ADAP1: variants seen among roughly 807,000 people sequenced by gnomAD.
ADAP1 encodes ArfGAP with dual PH domains 1, also known as arf-GAP with dual PH domain-containing protein 1.
Under a neutral mutation model 54.9 loss-of-function variants are expected in ADAP1, and 31 were observed. The ratio of observed to expected loss-of-function variants is 0.56; its 90% CI spans 0.42 to 0.76. The LOEUF is 0.76. Ranked by LOEUF, ADAP1 falls within the 30% of genes least tolerant of loss-of-function variation. The pLI is 0.00. For missense variants in ADAP1, 535 were observed against 512.4 expected, an observed-to-expected ratio of 1.04 and a Z score of -0.42; for synonymous variants, 313 against 202.6, an observed-to-expected ratio of 1.55 and a Z score of -4.63.
intron 3 of ADAP1, among the ~76,000 whole-genome samples, chr7:923,961 G>C (rs1018403048): frequency 6.6e-6 from 1 of 151,914 alleles, no homozygotes; most frequent in Admixed American, 6.6e-5. Flanking sequence ...CTGGACGTTT[G>C]GGCCCCACGA....
chr7:950,319 A>G (rs986129050), intron 1 of ADAP1, among the ~76,000 whole-genome samples: 33 of 151,966 alleles, frequency 2.2e-4, no homozygotes, highest in Non-Finnish European at 4.0e-4. Context: ...CCCCATCTCT[A>G]CTAAAAATAC....
chr7:907,411 C>T (rs147704154), intron 4 of ADAP1, among the ~76,000 whole-genome samples: 2 of 152,210 alleles, frequency 1.3e-5, no homozygotes, highest in Admixed American at 6.5e-5. Flanking sequence ...CCAGAGGACC[C>T]GTCCTGAGCC....
intron 4 of ADAP1, among the ~76,000 whole-genome samples, chr7:919,419 C>G (rs931743590): frequency 6.6e-6 from 1 of 152,008 alleles, no homozygotes; most frequent in Non-Finnish European, 1.5e-5. Flanking sequence ...TGTGGCGACC[C>G]CAAGCCCTCA....
rs928767514 is a variant in ADAP1, at chr7:935,564, G to T, written c.83-59C>A. On this transcript the variant is annotated intron_variant, in intron 1 of 10. Coordinates refer to ENST00000265846, the MANE Select transcript of ADAP1 (RefSeq NM_006869.4). ...AGCCCAGGGACCCCGGAGGGAGGGT[G>T]GACGGAGCCTCGAGTCAGGAGCCCC... is the stretch of plus-strand genomic sequence containing the variant. 3 of 1,541,262 alleles carry T rather than the reference G, an allele frequency of 1.9e-6. No homozygotes were observed. The African/African-American group carries it at 4.1e-5, about 21-fold the overall frequency.
intron 4 of ADAP1, among the ~76,000 whole-genome samples, chr7:907,489 G>A (rs537953824): frequency 6.0e-4 from 91 of 152,260 alleles, no homozygotes; most frequent in African/African-American, 2.1e-3. Context: ...CCAGAGCTGT[G>A]GGAGAACAAA....
At chr7:921,108 C>T (rs1846177708) in intron 3 of ADAP1, among the ~76,000 whole-genome samples, 3 of 152,198 alleles carry the variant, frequency 2.0e-5, no homozygotes, top group East Asian at 3.9e-4. Context: ...ATCTCGGTCA[C>T]GGAGGCCAAA....
At position 946,725 on chromosome 7, in the gene ADAP1, C is replaced by G. The variant is rs1038728877; in HGVS notation, c.82+7671G>C. 6.6e-6 allele frequency among the ~76,000 whole-genome samples: 1 copy of G among 152,280 alleles called. No homozygotes were observed. ...CTTCAGGGCCCTCGCACAGGGCCGA[C>G]TCCTCTGCGGCCCATCTGGTCTCTC... On this transcript the variant is annotated intron_variant, in intron 1 of 10. Coordinates refer to ENST00000265846, the MANE Select transcript of ADAP1 (RefSeq NM_006869.4). The surrounding 1 kb of genome is among the most constrained non-coding windows in gnomAD (Gnocchi z 4.3).
intron 6 of ADAP1, among the ~76,000 whole-genome samples, chr7:902,534 T>G (rs532736271): frequency 3.9e-4 from 58 of 149,268 alleles, no homozygotes; most frequent in Non-Finnish European, 7.1e-4. Flanking sequence ...AAAAACTAAA[T>G]GCATGACAGC....
intron 2 of ADAP1, among the ~76,000 whole-genome samples, chr7:928,196 G>T (rs1846451748): frequency 6.6e-6 from 1 of 150,848 alleles, no homozygotes; most frequent in Non-Finnish European, 1.5e-5. Context: ...CTCCAGCCTG[G>T]GCGGCAGAAC....
intron 1 of ADAP1, among the ~76,000 whole-genome samples, chr7:951,815 G>A (rs1017624755): frequency 2.0e-5 from 3 of 152,184 alleles, no homozygotes; most frequent in African/African-American, 7.2e-5. Context: ...CAATATGTGT[G>A]TTTTTCTTTT....
At chr7:906,806 G>GGGGGGACATGGGTGACATGGGTGACAT (rs138744439) in intron 4 of ADAP1, among the ~76,000 whole-genome samples, 1 of 44,468 alleles carries the variant, frequency 2.2e-5, no homozygotes, top group Admixed American at 2.4e-4. Flanking sequence ...CAGGGGACAT[G>GGGGGGACATGGGTGACATGGGTGACAT]GGGGGACATG....
intron 7 of ADAP1, 52 bp from the exon 8 acceptor site, chr7:900,216 G>A (rs1336513139): frequency 1.9e-6 from 3 of 1,605,940 alleles, no homozygotes; most frequent in Admixed American, 3.3e-5. Flanking sequence ...CTCAGGCCGA[G>A]CCCCTCCCTG....
intron 1 of ADAP1, among the ~76,000 whole-genome samples, chr7:949,267 C>T (rs903105339): frequency 5.3e-5 from 8 of 152,252 alleles, no homozygotes; most frequent in Admixed American, 4.6e-4. Context: ...CACATGAGCA[C>T]ATACCTCCTG....
Position 899,465 on chromosome 7 carries a change from C to T in ADAP1, c.821G>A (p.Trp274Ter). Residue 274 changes from tryptophan to a stop codon, truncating the protein, a stop_gained, in exon 9 of 11, where the codon TGG becomes TAG. Coordinates refer to ENST00000265846, the MANE Select transcript of ADAP1 (RefSeq NM_006869.4). LOFTEE classifies it high-confidence loss of function. Reference sequence around the variant, plus strand: ...GAGCCTGCGGTCATCCATGGTGAACCAGCGCTTCCGGAAGCCTTCCGTTTG... The same window carrying T: ...GAGCCTGCGGTCATCCATGGTGAACTAGCGCTTCCGGAAGCCTTCCGTTTG... ...PKQTEGFRKR[W>*]FTMDDRRLMY... 6.2e-7 allele frequency: 1 copy of T among 1,613,162 alleles called. No homozygotes were observed. The highest frequency in any genetic ancestry group is 8.5e-7 in the Non-Finnish European group (1 of 1,179,912).
chr7:937,380 G>T (rs1846803321), intron 1 of ADAP1, among the ~76,000 whole-genome samples: 2 of 45,630 alleles, frequency 4.4e-5, no homozygotes, highest in African/African-American at 9.2e-5. Flanking sequence ...TCTGGGATTT[G>T]GGGGTCACGC....
chr7:904,345 C>T, intron 5 of ADAP1, 73 bp from the exon 6 acceptor site: 1 of 1,506,272 alleles, frequency 6.6e-7, no homozygotes, highest in Non-Finnish European at 8.9e-7. Flanking sequence ...AGGGCAGACC[C>T]TGTGGGTGCT....
At chr7:925,837 G>A (rs1029461838) in intron 3 of ADAP1, among the ~76,000 whole-genome samples, 2 of 152,232 alleles carry the variant, frequency 1.3e-5, no homozygotes, top group African/African-American at 4.8e-5. Context: ...CACGGAGTGA[G>A]TCAACGGAGG....
intron 4 of ADAP1, among the ~76,000 whole-genome samples, chr7:910,573 C>G (rs1309586982): frequency 6.6e-6 from 1 of 152,210 alleles, no homozygotes; most frequent in Non-Finnish European, 1.5e-5. Flanking sequence ...TTGGATTTGT[C>G]AGAGCTGGGA....
intron 1 of ADAP1, among the ~76,000 whole-genome samples, chr7:939,081 G>A (rs945517419): frequency 1.4e-4 from 22 of 152,200 alleles, no homozygotes; most frequent in African/African-American, 4.8e-4. Context: ...ACTCTACGGC[G>A]TGGACCAGCT....
Sources: allele counts gnomAD v4.1 joint callset (sites outside exome capture counted in the v4.1 genomes callset), GRCh38; gene constraint gnomAD v4.1.1; non-coding constraint Gnocchi (gnomAD v3.1); transcripts MANE v1.5; gene names NCBI Gene and HGNC (gene_info 2026-07-23, HGNC 2026-07-21).